Variants in ESRRG observed in about 807,000 individuals in gnomAD.
ESRRG encodes the protein estrogen-related receptor gamma.
In ESRRG, 13 loss-of-function variants were observed where a neutral mutation model predicts 44.0. The ratio of observed to expected loss-of-function variants is 0.30; its 90% confidence interval spans 0.19 to 0.47. ESRRG has a LOEUF of 0.47. Ranked by LOEUF, ESRRG falls within the 20% of genes least tolerant of loss-of-function variation. The pLI, the probability that ESRRG is intolerant of heterozygous loss-of-function variation, is 1.00. For synonymous variants in ESRRG, 215 were observed against 214.6 expected (o/e 1.00, Z -0.02); for missense variants, 395 against 580.6 (o/e 0.68, Z 3.29).
At chr1:216,996,422 T>C (rs891568219) in intron 1 of ESRRG, among the ~76,000 whole-genome samples, 4 of 151,418 alleles carry the variant, frequency 2.6e-5, no homozygotes, top group Non-Finnish European at 5.9e-5. Flanking sequence ...TAGGTAACAG[T>C]ATAGATAAAT....
intron 1 of ESRRG, among the ~76,000 whole-genome samples, chr1:217,026,425 T>C (rs1176893876): frequency 6.6e-6 from 1 of 152,188 alleles, no homozygotes; most frequent in East Asian, 1.9e-4. Context: ...CACAGTTAAC[T>C]AAAGAATAGG....
chr1:216,552,349 G>A (rs1572831045), intron 5 of ESRRG, among the ~76,000 whole-genome samples: 1 of 152,128 alleles, frequency 6.6e-6, no homozygotes, highest in Non-Finnish European at 1.5e-5. Context: ...ATGCACAACT[G>A]AGCATTAATA....
chr1:216,797,040 T>C (rs1440677635), intron 2 of ESRRG, among the ~76,000 whole-genome samples: 1 of 151,912 alleles, frequency 6.6e-6, no homozygotes, highest in Non-Finnish European at 1.5e-5. Flanking sequence ...TACAGGCGTG[T>C]GCTGTCACAC....
In ESRRG at chr1:216,888,763, C is replaced by CG. The variant is rs146169005; in HGVS notation, c.-14+50818dup. Among the ~76,000 whole-genome samples, 417 of 152,114 alleles carry CG rather than the reference C, an allele frequency of 2.7e-3. 12 individuals are homozygous for CG. In the East Asian group the frequency reaches 0.055, roughly 20 times the overall value. ...GAATGGAAATCCAGAAATAGAGCCC[C>CG]GAAGATCAATAGATGTGACTGAGAA... On this transcript the variant is annotated intron_variant, in intron 2 of 7. Coordinates refer to the ESRRG transcript ENST00000359162.
At chr1:216,859,032 A>T (rs769530343) in intron 2 of ESRRG, among the ~76,000 whole-genome samples, 17 of 152,180 alleles carry the variant, frequency 1.1e-4, no homozygotes, top group Non-Finnish European at 2.1e-4. Flanking sequence ...TATTCAATAA[A>T]TGTGAATGTG....
rs140779386 is a variant in ESRRG at position 216,756,174 on chromosome 1, A to G, written c.-13-78683T>C. 5.5e-3 allele frequency among the ~76,000 whole-genome samples: 840 copies of G among 152,142 alleles called. 7 individuals carry two copies. Among genetic ancestry groups the G allele is most frequent in the Non-Finnish European group, 8.9e-3 (607 of 67,942 alleles). On this transcript the variant is annotated intron_variant, in intron 2 of 7. Coordinates refer to the ESRRG transcript ENST00000359162. The stretch of plus-strand genomic sequence containing the variant: ...AGGCATGTGTGGAAATAGATGCAAT[A>G]AAATGGAAAGCCCTGGCATTCAATA...
intron 5 of ESRRG, among the ~76,000 whole-genome samples, chr1:216,536,752 T>G (rs1428755292): frequency 1.3e-5 from 2 of 152,158 alleles, no homozygotes; most frequent in African/African-American, 4.8e-5. Flanking sequence ...CCAGTCACCA[T>G]GCTAGTGCTT....
intron 5 of ESRRG, among the ~76,000 whole-genome samples, chr1:216,550,393 T>A (rs2055929724): frequency 6.6e-6 from 1 of 152,170 alleles, no homozygotes; most frequent in Non-Finnish European, 1.5e-5. Context: ...TCATGTCTGA[T>A]GGATTGATTT....
chr1:216,798,268 G>T (rs936943306), intron 2 of ESRRG, among the ~76,000 whole-genome samples: 1 of 152,208 alleles, frequency 6.6e-6, no homozygotes, highest in Non-Finnish European at 1.5e-5. Context: ...GGGTCCAAAG[G>T]CTTGTAATAG....
At chr1:217,005,285 C>A (rs532675783) in intron 1 of ESRRG, among the ~76,000 whole-genome samples, 1 of 152,130 alleles carries the variant, frequency 6.6e-6, no homozygotes, top group Admixed American at 6.6e-5. Context: ...ATGACCAGAG[C>A]GGTAGATGAT....
At chr1:217,012,852 C>T (rs1421055682) in intron 1 of ESRRG, among the ~76,000 whole-genome samples, 1 of 152,182 alleles carries the variant, frequency 6.6e-6, no homozygotes, top group Non-Finnish European at 1.5e-5. Context: ...GTACCACAAA[C>T]TGAGTGGCTT....
At chr1:217,019,516 G>A (rs576674422) in intron 1 of ESRRG, among the ~76,000 whole-genome samples, 45 of 152,286 alleles carry the variant, frequency 3.0e-4, no homozygotes, top group African/African-American at 1.0e-3. Context: ...CTTAGAGTGT[G>A]CAAGGATAGT....
chr1:216,599,287 C>T (rs2377106), intron 3 of ESRRG, among the ~76,000 whole-genome samples: 55,364 of 151,890 alleles, frequency 0.36, 10,240 homozygotes, highest in South Asian at 0.42. Context: ...AGTAAAACCA[C>T]ATCAGAAAGT....
intron 1 of ESRRG, among the ~76,000 whole-genome samples, chr1:216,972,057 T>A (rs1355956950): frequency 6.6e-6 from 1 of 151,432 alleles, no homozygotes; most frequent in Admixed American, 6.6e-5. Flanking sequence ...ATTGGTAGAG[T>A]TTTTTTTTCT....
chr1:217,134,419 G>A (rs1456860850), intron 1 of ESRRG, among the ~76,000 whole-genome samples: 1 of 152,182 alleles, frequency 6.6e-6, no homozygotes, highest in Non-Finnish European at 1.5e-5. Context: ...GCGCAGTGAG[G>A]GCACAGGGCC....
intron 5 of ESRRG, among the ~76,000 whole-genome samples, chr1:216,560,139 T>C (rs2058430455): frequency 6.6e-6 from 1 of 152,198 alleles, no homozygotes; most frequent in Admixed American, 6.6e-5. Flanking sequence ...AGACTATTTA[T>C]TACATCATCT....
At chr1:216,559,092 A>G (rs1357020939) in intron 5 of ESRRG, among the ~76,000 whole-genome samples, 2 of 151,334 alleles carry the variant, frequency 1.3e-5, no homozygotes, top group Admixed American at 6.6e-5. Context: ...CTGATCTTGA[A>G]CTCTTGACCT....
chr1:216,621,994 TC>T (rs1295873354), intron 3 of ESRRG, among the ~76,000 whole-genome samples: 1 of 152,208 alleles, frequency 6.6e-6, no homozygotes, highest in Non-Finnish European at 1.5e-5. Context: ...ACTTGTGACT[TC>T]CCTGCACAAA....
chr1:216,733,808 T>C (rs2089334667), intron 2 of ESRRG, among the ~76,000 whole-genome samples: 1 of 151,890 alleles, frequency 6.6e-6, no homozygotes, highest in African/African-American at 2.4e-5. Flanking sequence ...TTGACAAACA[T>C]AGCAAAACCC....
Sources: gnomAD v4.1 joint callset for allele counts (sites outside exome capture counted in the v4.1 genomes callset) on GRCh38, gnomAD v4.1.1 for gene constraint, MANE v1.5 for transcripts, NCBI Gene and HGNC (gene_info 2026-07-23, HGNC 2026-07-21) for gene names.